AVEN: variants seen among roughly 807,000 people sequenced by gnomAD.
AVEN encodes the protein cell death regulator Aven.
AVEN carries 41 observed loss-of-function variants against 38.1 expected under a neutral mutation model. The ratio of observed to expected loss-of-function variants is 1.08; its 90% CI spans 0.84 to 1.40. AVEN has a LOEUF of 1.40. Ranked by LOEUF, AVEN falls within the 40% of genes most tolerant of loss-of-function variation. AVEN has a pLI of 0.00. For synonymous variants in AVEN, 206 were observed against 171.8 expected (o/e 1.20, Z -1.56); for missense variants, 605 against 438.8 (o/e 1.38, Z -3.38).
intron 2 of AVEN, among the ~76,000 whole-genome samples, chr15:33,879,336 G>A (rs1357623097): frequency 7.0e-6 from 1 of 142,756 alleles, no homozygotes; most frequent in African/African-American, 2.6e-5. Flanking sequence ...CTCACTCATA[G>A]ATGGGAACTG....
At chr15:34,043,230 G>A (rs7494836), upstream of AVEN, among the ~76,000 whole-genome samples, 14,113 of 149,740 alleles carry the variant, frequency 0.094, 867 homozygotes, top group East Asian at 0.31. Context: ...CTGGGCGACC[G>A]AGCAAGAATC....
At chr15:33,871,844 G>A (rs961795374) in intron 3 of AVEN, among the ~76,000 whole-genome samples, 10 of 151,628 alleles carry the variant, frequency 6.6e-5, no homozygotes, top group Non-Finnish European at 1.3e-4. Context: ...CCCATAAAGG[G>A]CTAAAGCTGA....
downstream of AVEN, chr15:33,856,526 G>C (rs1226356512): frequency 6.6e-6 from 1 of 152,324 alleles, no homozygotes; most frequent in Non-Finnish European, 1.5e-5. Flanking sequence ...AATAAAAAGT[G>C]TGACTCAGCT....
At chr15:33,859,640 C>G (rs774972479) in intron 11 of AVEN, 2 of 1,613,954 alleles carry the variant, frequency 1.2e-6, no homozygotes, top group Non-Finnish European at 1.7e-6. Context: ...AAATTGAAGA[C>G]CCTGCTGGTG....
At chr15:33,852,673 T>G in the AVEN span, 1 of 190,770 alleles carries the variant, frequency 5.2e-6, no homozygotes. Context: ...TAGTGACTCA[T>G]TGAATGGAAT....
chr15:33,887,823 T>C (rs1296665454), intron 2 of AVEN, among the ~76,000 whole-genome samples: 1 of 152,198 alleles, frequency 6.6e-6, no homozygotes. Context: ...AAGAAGCTTA[T>C]GTGTCTTACT....
chr15:34,000,516 A>G (rs966226433), intron 2 of AVEN, among the ~76,000 whole-genome samples: 11 of 152,340 alleles, frequency 7.2e-5, no homozygotes, highest in Admixed American at 1.3e-4. Context: ...AAAGTTTATG[A>G]TTGCACACCT....
chr15:33,883,135 T>A (rs7177269), intron 2 of AVEN, among the ~76,000 whole-genome samples: 13,436 of 152,146 alleles, frequency 0.088, 896 homozygotes, highest in African/African-American at 0.18. Context: ...GAGGAACAAC[T>A]TTACCATCAT....
intron 2 of AVEN, among the ~76,000 whole-genome samples, chr15:33,949,077 G>A (rs1894621140): frequency 6.6e-6 from 1 of 152,180 alleles, no homozygotes; most frequent in Non-Finnish European, 1.5e-5. Flanking sequence ...AGGCTAGAGT[G>A]CAATGGCGTG....
At chr15:33,984,398 G>C (rs6495422) in intron 2 of AVEN, among the ~76,000 whole-genome samples, 65,520 of 151,250 alleles carry the variant, frequency 0.43, 14,909 homozygotes, top group African/African-American at 0.56. Context: ...AGAATAGATT[G>C]ATGGTAGGGT....
At chr15:33,987,569 G>A (rs930273800) in intron 2 of AVEN, among the ~76,000 whole-genome samples, 2 of 152,092 alleles carry the variant, frequency 1.3e-5, no homozygotes, top group African/African-American at 2.4e-5. Flanking sequence ...TCAGGCCAGC[G>A]AACAATGGTT....
downstream of AVEN, chr15:33,855,997 A>C (rs1036529679): frequency 6.6e-6 from 1 of 152,186 alleles, no homozygotes; most frequent in Admixed American, 6.5e-5. Context: ...CGGAAGTTAC[A>C]GTGTGCCAAG....
At chr15:33,981,556 T>C (rs899032933) in intron 2 of AVEN, among the ~76,000 whole-genome samples, 6 of 152,038 alleles carry the variant, frequency 3.9e-5, no homozygotes, top group African/African-American at 1.5e-4. Context: ...TTCTATACAA[T>C]ACACCAAAAG....
intron 2 of AVEN, among the ~76,000 whole-genome samples, chr15:33,967,611 T>G (rs1191566688): frequency 6.6e-6 from 1 of 151,970 alleles, no homozygotes; most frequent in African/African-American, 2.4e-5. Flanking sequence ...AATAATTTTT[T>G]AAAATTTAAA....
At chr15:33,993,568 C>T (rs1896813802) in intron 2 of AVEN, among the ~76,000 whole-genome samples, 1 of 152,280 alleles carries the variant, frequency 6.6e-6, no homozygotes. Context: ...ATTAGAAATC[C>T]ACTTTTAAAG....
intron 2 of AVEN, among the ~76,000 whole-genome samples, chr15:33,904,987 G>A (rs113424053): frequency 2.6e-5 from 4 of 151,528 alleles, no homozygotes; most frequent in South Asian, 2.1e-4. Flanking sequence ...AAAATTGGCC[G>A]GGTGTTGTGG....
At chr15:33,985,464 G>C (rs1175753319) in intron 2 of AVEN, among the ~76,000 whole-genome samples, 1 of 107,934 alleles carries the variant, frequency 9.3e-6, no homozygotes, top group African/African-American at 3.7e-5. Context: ...CCTTGAGTAA[G>C]TAGAAGCAAC....
At chr15:33,935,684 T>C (rs1255441774) in intron 2 of AVEN, among the ~76,000 whole-genome samples, 3 of 152,140 alleles carry the variant, frequency 2.0e-5, no homozygotes, top group Non-Finnish European at 4.4e-5. Context: ...GCAATGTGTA[T>C]GAATTGTTTA....
In AVEN at chr15:34,039,183, A is replaced by G. The variant is rs1364293948; in HGVS notation, c.-137T>C. On this transcript the variant is annotated 5_prime_UTR_variant, in exon 1 of 6. Coordinates refer to ENST00000306730, the MANE Select transcript of AVEN (RefSeq NM_020371.3). ...GCAGCGAGGCGCGGGGTGCGGGGCTAGGGATCGAGGCCGGCCGCAGCGGAG... is the reference window on the plus strand; with the variant it reads ...GCAGCGAGGCGCGGGGTGCGGGGCTGGGGATCGAGGCCGGCCGCAGCGGAG... 1.4e-6 allele frequency: 1 copy of G among 728,428 alleles called. No homozygotes were observed. The highest frequency in any genetic ancestry group is 1.7e-6 in the Non-Finnish European group (1 of 586,964). 45.1% of individuals were successfully genotyped at this position (728,428 alleles called of 1,614,324 possible). A position where few individuals can be genotyped will look rare whatever the true frequency, so the allele number is the denominator to read the frequency against.
Sources: allele counts gnomAD v4.1 joint callset (sites outside exome capture counted in the v4.1 genomes callset), GRCh38; gene constraint gnomAD v4.1.1; transcripts MANE v1.5; gene names NCBI Gene and HGNC (gene_info 2026-07-23, HGNC 2026-07-21).